DNAI4: variants seen among roughly 807,000 people sequenced by gnomAD.
DNAI4 encodes the protein dynein axonemal intermediate chain 4, also known as WD repeat domain 78.
Under a neutral mutation model 105.8 loss-of-function variants are expected in DNAI4, and 85 were observed. That is an observed-to-expected ratio of 0.80 (90% CI 0.67 to 0.96). DNAI4 has a LOEUF of 0.96. Ranked by LOEUF, DNAI4 falls within the 40% of genes least tolerant of loss-of-function variation. The pLI is 0.00. For synonymous variants in DNAI4, 352 were observed against 331.5 expected (o/e 1.06, Z -0.67); for missense variants, 1,014 against 1,005.6 (o/e 1.01, Z -0.11).
At chr1:66,906,853 C>G (rs1649291709) in intron 1 of DNAI4, 1 of 152,178 alleles carries the variant, frequency 6.6e-6, no homozygotes, top group South Asian at 2.1e-4. Context: ...TCTCCCACCT[C>G]CTACAAACTC....
intron 1 of DNAI4, among the ~76,000 whole-genome samples, chr1:66,906,312 G>A (rs1649244141): frequency 6.6e-6 from 1 of 151,862 alleles, no homozygotes; most frequent in Non-Finnish European, 1.5e-5. Flanking sequence ...CTTAAGACAA[G>A]GACTTACCTT....
At chr1:66,879,061 C>T (rs1647014106) in intron 4 of DNAI4, among the ~76,000 whole-genome samples, 1 of 152,140 alleles carries the variant, frequency 6.6e-6, no homozygotes, top group Non-Finnish European at 1.5e-5. Flanking sequence ...TTAAGTCTCA[C>T]TTTTTGTGTT....
At chr1:66,906,859 A>T (rs1557979772) in intron 1 of DNAI4, 1 of 152,022 alleles carries the variant, frequency 6.6e-6, no homozygotes, top group Admixed American at 6.6e-5. Context: ...ACCTCCTACA[A>T]ACTCACTTAT....
At chr1:66,921,718 A>T (rs180692500) in intron 1 of DNAI4, among the ~76,000 whole-genome samples, 1 of 152,318 alleles carries the variant, frequency 6.6e-6, no homozygotes, top group African/African-American at 2.4e-5. Context: ...ATACAAGATA[A>T]GCAGTAACCA....
chr1:66,871,455 T>G lies in DNAI4; in HGVS notation c.855A>C (p.Leu285=). Reference sequence around the variant, plus strand: ...AAGTCTGCATCATCCTTTCAACATATAGGTCATTGCCTAATCTGTTTCTAC... The same window carrying G: ...AAGTCTGCATCATCCTTTCAACATAGAGGTCATTGCCTAATCTGTTTCTAC... The part of the protein sequence containing the change: ...VLCRNRLGND[L]YVERMMQTFN... Residue 285 remains leucine, a synonymous_variant, in exon 6 of 17, where the codon CTA becomes CTC. Transcript: ENST00000371026. The G allele has an allele frequency of 6.2e-7, 1 of 1,611,714 alleles. No homozygotes were observed. The highest frequency in any genetic ancestry group is 8.5e-7 in the Non-Finnish European group (1 of 1,178,740).
chr1:66,845,256 G>C (rs1646253096), intron 8 of DNAI4, among the ~76,000 whole-genome samples: 5 of 144,308 alleles, frequency 3.5e-5, no homozygotes. Context: ...TTTAAAATTG[G>C]TAAGAGACTT....
chr1:66,819,591 G>A (rs1366429336), intron 16 of DNAI4, among the ~76,000 whole-genome samples: 1 of 151,880 alleles, frequency 6.6e-6, no homozygotes, highest in Non-Finnish European at 1.5e-5. Flanking sequence ...TTTCCAAGGG[G>A]CTCATACTAG....
intron 16 of DNAI4, among the ~76,000 whole-genome samples, chr1:66,817,150 G>T (rs991904151): frequency 2.6e-5 from 4 of 152,018 alleles, no homozygotes; most frequent in Admixed American, 6.6e-5. Context: ...TATCTATCCA[G>T]TCTTCCACTG....
intron 2 of DNAI4, among the ~76,000 whole-genome samples, chr1:66,896,086 T>C (rs574545112): frequency 3.9e-5 from 6 of 152,310 alleles, no homozygotes; most frequent in African/African-American, 1.4e-4. Flanking sequence ...TTTTGGAGTA[T>C]ACCCACTTTT....
At position 66,847,652 on chromosome 1, in the gene DNAI4, T is replaced by C. The variant is rs755447988; in HGVS notation, c.1123A>G (p.Ile375Val). The change falls in exon 8 of 17, where the codon ATA (isoleucine) becomes GTA (valine). Residue 375 changes from isoleucine to valine, a missense_variant. Ile to Val is a conservative substitution (Grantham distance 29). Coordinates refer to ENST00000371026, the MANE Select transcript of DNAI4 (RefSeq NM_024763.5). Reference protein sequence around the residue: ...KNSETSSLMDIENVILAKIHE... With the variant: ...KNSETSSLMDVENVILAKIHE... ...ATTTTTGCCAGAATTACATTTTCTA[T>C]GTCCATTAGAGAACTAGTTTCACTA... The C allele has an allele frequency of 6.2e-7, 1 of 1,611,074 alleles. No homozygotes were observed. Among genetic ancestry groups the C allele is most frequent in the Non-Finnish European group, 8.5e-7 (1 of 1,179,036 alleles).
At chr1:66,867,737 A>T (rs1646762876) in intron 6 of DNAI4, among the ~76,000 whole-genome samples, 1 of 152,126 alleles carries the variant, frequency 6.6e-6, no homozygotes, top group South Asian at 2.1e-4. Flanking sequence ...GTAGACACTA[A>T]TGTCACCTAC....
Position 66,874,765 on chromosome 1 carries a change from A to T in DNAI4, c.800+16T>A. 1 of 1,593,650 alleles carries T rather than the reference A, an allele frequency of 6.3e-7. No individual in the cohort carries two copies. The highest frequency in any genetic ancestry group is 8.5e-7 in the Non-Finnish European group (1 of 1,174,144). ...TTGAATTACAGAAACAATGTAGACA[A>T]CTGAACCATACATACGTTACTTTCT... On this transcript the variant is annotated intron_variant, in intron 5 of 16. Coordinates refer to ENST00000371026, the MANE Select transcript of DNAI4 (RefSeq NM_024763.5).
At chr1:66,822,040 A>T (rs184840055) in intron 16 of DNAI4, among the ~76,000 whole-genome samples, 1 of 152,264 alleles carries the variant, frequency 6.6e-6, no homozygotes, top group African/African-American at 2.4e-5. Context: ...CATGATGTAA[A>T]CTTCTTTGAA....
chr1:66,820,882 A>G (rs1343633502), intron 16 of DNAI4, among the ~76,000 whole-genome samples: 1 of 152,082 alleles, frequency 6.6e-6, no homozygotes, highest in Non-Finnish European at 1.5e-5. Flanking sequence ...CATGTGACCC[A>G]GATCTAATCA....
intron 11 of DNAI4, 25 bp downstream of exon 11, chr1:66,835,601 A>ATT (rs1557906968): frequency 6.2e-7 from 1 of 1,608,644 alleles, no homozygotes; most frequent in Non-Finnish European, 8.5e-7. Context: ...TGTATTATAC[A>ATT]TTTATCTAAT....
At chr1:66,904,478 T>C (rs922199835) in intron 2 of DNAI4, among the ~76,000 whole-genome samples, 1 of 152,198 alleles carries the variant, frequency 6.6e-6, no homozygotes, top group African/African-American at 2.4e-5. Context: ...TATCTGTTTA[T>C]CTACTCTGGT....
chr1:66,876,840 TC>T (rs1348140618), intron 4 of DNAI4, among the ~76,000 whole-genome samples: 1 of 152,110 alleles, frequency 6.6e-6, no homozygotes, highest in East Asian at 1.9e-4. Context: ...TAAAGGTTCT[TC>T]CCAGAGGAGG....
chr1:66,854,297 G>A (rs952871046), intron 7 of DNAI4, among the ~76,000 whole-genome samples: 9 of 152,064 alleles, frequency 5.9e-5, no homozygotes, highest in Non-Finnish European at 8.8e-5. Context: ...AGGCTGAGGT[G>A]GGAGAATTGC....
intron 7 of DNAI4, among the ~76,000 whole-genome samples, chr1:66,857,497 AAAAAG>A (rs1646527175): frequency 6.6e-6 from 1 of 152,042 alleles, no homozygotes; most frequent in Admixed American, 6.5e-5. Context: ...AAAAAGAAAA[AAAAAG>A]AAAAGAAATA....
Sources: allele counts gnomAD v4.1 joint callset (sites outside exome capture counted in the v4.1 genomes callset), GRCh38; gene constraint gnomAD v4.1.1; transcripts MANE v1.5; gene names NCBI Gene and HGNC (gene_info 2026-07-23, HGNC 2026-07-21).